DLG2: variants seen among roughly 807,000 people sequenced by gnomAD.
DLG2 encodes the protein discs large MAGUK scaffold protein 2.
In DLG2, 45 loss-of-function variants were observed where a neutral mutation model predicts 132.5. That is an observed-to-expected ratio of 0.34 (90% CI 0.27 to 0.44). The LOEUF is 0.44. Among genes scored for constraint, DLG2 ranks in the 20% least tolerant of loss-of-function variants. DLG2 has a pLI of 1.00. For missense variants in DLG2, 1,045 were observed against 1,196.9 expected (o/e 0.87, Z 1.87); for synonymous variants, 424 against 419.6 (o/e 1.01, Z -0.13).
intron 3 of DLG2, among the ~76,000 whole-genome samples, chr11:85,537,009 C>A (rs1217054696): frequency 6.6e-6 from 1 of 152,142 alleles, no homozygotes; most frequent in Admixed American, 6.5e-5. Context: ...ATGCATCAAT[C>A]AGCATTCTGT....
chr11:85,210,747 G>C (rs781668012), intron 4 of DLG2, among the ~76,000 whole-genome samples: 1 of 152,002 alleles, frequency 6.6e-6, no homozygotes, highest in Non-Finnish European at 1.5e-5. Flanking sequence ...CTAATGACTC[G>C]GGACTCCTCT....
At chr11:84,074,867 A>G (rs940955939) in intron 10 of DLG2, among the ~76,000 whole-genome samples, 6 of 152,130 alleles carry the variant, frequency 3.9e-5, no homozygotes, top group African/African-American at 9.7e-5. Flanking sequence ...GATAATATCA[A>G]TCATCCCTTA....
intron 19 of DLG2, among the ~76,000 whole-genome samples, chr11:83,583,719 AC>A (rs1174101630): frequency 2.0e-5 from 3 of 152,228 alleles, no homozygotes; most frequent in Non-Finnish European, 4.4e-5. Flanking sequence ...AGAACCTTTA[AC>A]TATTCTCTCA....
At chr11:83,889,718 A>G (rs1195816620) in intron 15 of DLG2, among the ~76,000 whole-genome samples, 1 of 152,168 alleles carries the variant, frequency 6.6e-6, no homozygotes, top group African/African-American at 2.4e-5. Context: ...CCAAATGTCC[A>G]ACAATGATAG....
intron 9 of DLG2, among the ~76,000 whole-genome samples, chr11:84,149,206 A>G (rs773886916): frequency 4.6e-5 from 7 of 152,066 alleles, no homozygotes; most frequent in Non-Finnish European, 7.4e-5. Context: ...TGGTGTGCAG[A>G]AGCTCCTTAC....
At chr11:84,737,351 A>G (rs2063972182) in intron 6 of DLG2, among the ~76,000 whole-genome samples, 1 of 152,014 alleles carries the variant, frequency 6.6e-6, no homozygotes, top group Admixed American at 6.6e-5. Context: ...CCAAGGCAAT[A>G]TAGGCCTCAT....
intron 10 of DLG2, among the ~76,000 whole-genome samples, chr11:84,077,041 T>C (rs1020085365): frequency 2.0e-5 from 3 of 152,188 alleles, no homozygotes; most frequent in Non-Finnish European, 2.9e-5. Context: ...AATCTCTCTA[T>C]ATTCTGCATC....
intron 3 of DLG2, among the ~76,000 whole-genome samples, chr11:85,564,084 A>G (rs2077400792): frequency 6.6e-6 from 1 of 152,058 alleles, no homozygotes; most frequent in Non-Finnish European, 1.5e-5. Flanking sequence ...CCATTAGAAT[A>G]TCTTGTTTTC....
At chr11:84,450,010 T>TC (rs1381315097) in intron 7 of DLG2, among the ~76,000 whole-genome samples, 1 of 151,914 alleles carries the variant, frequency 6.6e-6, no homozygotes, top group Non-Finnish European at 1.5e-5. Context: ...ATATCATACT[T>TC]CAAGAAATAC....
chr11:83,936,218 G>A (rs1288975474), intron 14 of DLG2, among the ~76,000 whole-genome samples: 2 of 152,166 alleles, frequency 1.3e-5, no homozygotes, highest in Admixed American at 6.5e-5. Context: ...AACAATCGAT[G>A]GCTTTTAGTC....
intron 9 of DLG2, among the ~76,000 whole-genome samples, chr11:84,131,751 C>T (rs991305580): frequency 6.6e-6 from 1 of 151,878 alleles, no homozygotes; most frequent in African/African-American, 2.4e-5. Context: ...ACAAAAAACC[C>T]AAACAGTGAT....
At chr11:85,077,100 A>G (rs2066636263) in intron 6 of DLG2, among the ~76,000 whole-genome samples, 1 of 152,006 alleles carries the variant, frequency 6.6e-6, no homozygotes. Flanking sequence ...ACCACAGACT[A>G]GGACAATGCT....
chr11:85,468,902 T>A (rs985706276), intron 3 of DLG2, among the ~76,000 whole-genome samples: 5 of 152,136 alleles, frequency 3.3e-5, no homozygotes, highest in Admixed American at 2.0e-4. Context: ...AAGCAATTCT[T>A]CCGCCTTGGC....
chr11:84,593,934 T>C (rs186818673), intron 6 of DLG2, among the ~76,000 whole-genome samples: 2 of 152,342 alleles, frequency 1.3e-5, no homozygotes, highest in Non-Finnish European at 1.5e-5. Flanking sequence ...CATTACCTAA[T>C]TGAATATTTT....
At chr11:83,512,801 C>A (rs1048469190) in intron 21 of DLG2, among the ~76,000 whole-genome samples, 2 of 151,744 alleles carry the variant, frequency 1.3e-5, no homozygotes, top group South Asian at 2.1e-4. Flanking sequence ...TTTGTCCTTG[C>A]GATAGTTTGC....
intron 18 of DLG2, chr11:83,692,844 G>A (rs1055133436): frequency 6.6e-6 from 1 of 152,156 alleles, no homozygotes; most frequent in Non-Finnish European, 1.5e-5. Flanking sequence ...CCAAGGGAAT[G>A]TGAGTTCTGG....
chr11:83,902,800 A>G (rs975842108), intron 15 of DLG2, among the ~76,000 whole-genome samples: 1 of 152,174 alleles, frequency 6.6e-6, no homozygotes, highest in Admixed American at 6.6e-5. Flanking sequence ...GAGGATAAAA[A>G]AGCAGGGTAT....
At chr11:84,938,930 C>T (rs766744239) in intron 6 of DLG2, among the ~76,000 whole-genome samples, 10 of 151,896 alleles carry the variant, frequency 6.6e-5, no homozygotes, top group Admixed American at 2.0e-4. Flanking sequence ...GAAGTACTCC[C>T]AAAATAAAAT....
At chr11:83,630,310 G>T (rs900137148) in intron 19 of DLG2, among the ~76,000 whole-genome samples, 1 of 152,034 alleles carries the variant, frequency 6.6e-6, no homozygotes, top group Non-Finnish European at 1.5e-5. Flanking sequence ...CAGGACCAGG[G>T]CTAGAGTTGG....
Sources: allele counts gnomAD v4.1 joint callset (sites outside exome capture counted in the v4.1 genomes callset), GRCh38; gene constraint gnomAD v4.1.1; transcripts MANE v1.5; gene names NCBI Gene and HGNC (gene_info 2026-07-23, HGNC 2026-07-21).